The following RORA variants were observed in gnomAD, a reference collection of about 807,000 sequenced individuals.
RORA encodes nuclear receptor ROR-alpha.
In RORA, 7 loss-of-function variants were observed where a neutral mutation model predicts 69.5. The observed-to-expected ratio is 0.10, with a 90% CI of 0.06 to 0.19. RORA has a LOEUF of 0.19. RORA is among the 10% of genes least tolerant of loss of function. RORA has a pLI of 1.00. For synonymous variants in RORA, 261 were observed against 240.8 expected (o/e 1.08, Z -0.78); for missense variants, 457 against 663.0 (o/e 0.69, Z 3.41).
intron 1 of RORA, among the ~76,000 whole-genome samples, chr15:61,027,449 G>A (rs78301185): frequency 1.4e-4 from 22 of 152,214 alleles, no homozygotes; most frequent in East Asian, 9.7e-4. Flanking sequence ...TTGGCTCGGC[G>A]TTTTGTTTAT....
rs2065009332 is a variant in RORA at position 60,489,593 on chromosome 15, CTT to C, written c.*7860_*7861del. 1 of 152,262 alleles carries C rather than the reference CTT, an allele frequency of 6.6e-6. No individual in the cohort carries two copies. The allele number at this position is 152,262 out of a possible 1,614,324, so 9.4% of individuals were successfully genotyped here. A position where few individuals can be genotyped will look rare whatever the true frequency, so the allele number is the denominator to read the frequency against. On this transcript the variant is annotated 3_prime_UTR_variant, in exon 11 of 11. Coordinates refer to ENST00000335670, the MANE Select transcript of RORA (RefSeq NM_134261.3). Reference sequence around the variant, plus strand: ...CTTAATTAAGCTACTTATTAAATAACTTTGAAAATGAAGGTCCTTCACTCAGT... The same window carrying C: ...CTTAATTAAGCTACTTATTAAATAACTGAAAATGAAGGTCCTTCACTCAGT...
chr15:61,135,146 TA>T (rs59644906), intron 1 of RORA, among the ~76,000 whole-genome samples: 3,245 of 56,588 alleles, frequency 0.057, 90 homozygotes, highest in African/African-American at 0.16. Flanking sequence ...CATCTCTTAC[TA>T]AAAAAAAAAA....
intron 1 of RORA, among the ~76,000 whole-genome samples, chr15:61,225,361 C>T (rs966885496): frequency 1.1e-4 from 17 of 152,194 alleles, no homozygotes; most frequent in Admixed American, 6.5e-4. Flanking sequence ...AGAAAGGGCG[C>T]TAAATTGCTA....
chr15:61,040,155 T>TATATAC (rs1896686222), intron 1 of RORA, among the ~76,000 whole-genome samples: 1 of 116,870 alleles, frequency 8.6e-6, no homozygotes, highest in African/African-American at 3.3e-5. Flanking sequence ...TATATATATA[T>TATATAC]ATATATATAA....
Position 60,497,348 on chromosome 15 carries a change from T to C in RORA, c.*107A>G. On this transcript the variant is annotated 3_prime_UTR_variant, in exon 11 of 11. Coordinates refer to ENST00000335670, the MANE Select transcript of RORA (RefSeq NM_134261.3). ...CGATCACCAAAAGATGTGCAGTGTG[T>C]GGCGCTCCAGGTCTGTGCAGGGCCA... is the stretch of plus-strand genomic sequence containing the variant. The C allele has an allele frequency of 1.2e-6, 1 of 863,836 alleles. No homozygotes were observed. The highest frequency in any genetic ancestry group is 1.8e-6 in the Non-Finnish European group (1 of 555,442). The allele number at this position is 863,836 out of a possible 1,614,324, so 53.5% of individuals were successfully genotyped here. A position where few individuals can be genotyped will look rare whatever the true frequency, so the allele number is the denominator to read the frequency against.
chr15:61,075,274 T>C (rs2078432616), intron 1 of RORA, among the ~76,000 whole-genome samples: 1 of 152,106 alleles, frequency 6.6e-6, no homozygotes. Flanking sequence ...TTTAGGAATC[T>C]GGAGGGAGGA....
At chr15:60,843,407 A>C (rs932871331) in intron 1 of RORA, among the ~76,000 whole-genome samples, 8 of 152,288 alleles carry the variant, frequency 5.3e-5, no homozygotes, top group Admixed American at 4.6e-4. Context: ...AACTTGTCCA[A>C]GGTCATTCAG....
At chr15:61,151,847 A>C (rs995240634) in intron 1 of RORA, among the ~76,000 whole-genome samples, 2 of 152,118 alleles carry the variant, frequency 1.3e-5, no homozygotes, top group Non-Finnish European at 2.9e-5. Context: ...AAGCCAATGG[A>C]AAAAAAACCT....
chr15:60,950,881 G>A (rs1893073493), intron 1 of RORA, among the ~76,000 whole-genome samples: 1 of 141,266 alleles, frequency 7.1e-6, no homozygotes, highest in Admixed American at 7.2e-5. Context: ...ACAGATCAAC[G>A]AGACAGAAAG....
chr15:61,141,434 A>C (rs1282598821), intron 1 of RORA, among the ~76,000 whole-genome samples: 1 of 152,228 alleles, frequency 6.6e-6, no homozygotes, highest in Non-Finnish European at 1.5e-5. Context: ...AGCGAGAGAC[A>C]CCCAGAGAGC....
At chr15:60,639,856 G>A (rs1407831873) in intron 2 of RORA, among the ~76,000 whole-genome samples, 3 of 152,202 alleles carry the variant, frequency 2.0e-5, no homozygotes, top group Non-Finnish European at 4.4e-5. Context: ...AAGATGTGCA[G>A]TTGATGATGG....
At chr15:60,727,915 G>C (rs151129414) in intron 1 of RORA, among the ~76,000 whole-genome samples, 2 of 152,214 alleles carry the variant, frequency 1.3e-5, no homozygotes, top group Non-Finnish European at 2.9e-5. Flanking sequence ...TGCACTCCTG[G>C]ACCTGGCTTC....
intron 1 of RORA, among the ~76,000 whole-genome samples, chr15:60,704,904 C>T (rs1006604140): frequency 2.0e-5 from 3 of 152,200 alleles, no homozygotes; most frequent in Non-Finnish European, 4.4e-5. Context: ...TTGCTCCCCA[C>T]TCTGACCTAC....
chr15:60,849,843 C>T (rs2073305243), intron 1 of RORA, among the ~76,000 whole-genome samples: 1 of 152,018 alleles, frequency 6.6e-6, no homozygotes, highest in African/African-American at 2.4e-5. Context: ...TGTGGATGGC[C>T]TGAGAATAGA....
intron 1 of RORA, among the ~76,000 whole-genome samples, chr15:60,773,569 C>A (rs377538433): frequency 2.6e-5 from 4 of 152,118 alleles, no homozygotes; most frequent in African/African-American, 9.7e-5. Context: ...CTAAGTGATA[C>A]CCCGATAACT....
chr15:60,625,697 G>T (rs1045095344), intron 2 of RORA, among the ~76,000 whole-genome samples: 2 of 152,230 alleles, frequency 1.3e-5, no homozygotes, highest in African/African-American at 4.8e-5. Flanking sequence ...AAAAAATCAA[G>T]ATGCAGACAG....
chr15:61,150,650 G>A (rs1328341425), intron 1 of RORA, among the ~76,000 whole-genome samples: 1 of 152,132 alleles, frequency 6.6e-6, no homozygotes, highest in Non-Finnish European at 1.5e-5. Flanking sequence ...GCTGAAATGA[G>A]GCATAGATGA....
chr15:60,593,236 C>G (rs2068592636), intron 2 of RORA: 2 of 182,940 alleles, frequency 1.1e-5, no homozygotes, highest in Admixed American at 1.3e-4. Context: ...CCCCAACCCC[C>G]TTCCCCGCGT....
chr15:60,813,808 G>T (rs1209778848), intron 1 of RORA, among the ~76,000 whole-genome samples: 1 of 152,054 alleles, frequency 6.6e-6, no homozygotes, highest in Non-Finnish European at 1.5e-5. Context: ...CTGAGAAATA[G>T]CATAATTATC....
Sources: allele counts gnomAD v4.1 joint callset (sites outside exome capture counted in the v4.1 genomes callset), GRCh38; gene constraint gnomAD v4.1.1; transcripts MANE v1.5; gene names NCBI Gene and HGNC (gene_info 2026-07-23, HGNC 2026-07-21).